CDK10: variants seen among roughly 807,000 people sequenced by gnomAD.
CDK10 encodes the protein cyclin dependent kinase 10.
CDK10 carries 55 observed loss-of-function variants against 51.0 expected under a neutral mutation model. That is an observed-to-expected ratio of 1.08 (90% confidence interval 0.87 to 1.35). CDK10 has a LOEUF of 1.35. Among genes scored for constraint, CDK10 ranks in the 40% most tolerant of loss-of-function variants. The pLI is 0.00. For synonymous variants in CDK10, 255 were observed against 199.1 expected (o/e 1.28, Z -2.36); for missense variants, 589 against 485.1 (o/e 1.21, Z -2.01).
At chr16:89,692,615 A>G in intron 6 of CDK10, 99 bp downstream of exon 6, 1 of 803,726 alleles carries the variant, frequency 1.2e-6, no homozygotes, top group Non-Finnish European at 1.9e-6. Context: ...TCCCAGCTGC[A>G]GCAGCCTGCC....
intron 1 of CDK10, among the ~76,000 whole-genome samples, chr16:89,688,426 A>G (rs532075053): frequency 6.6e-6 from 1 of 152,282 alleles, no homozygotes; most frequent in East Asian, 1.9e-4. Flanking sequence ...AGACTCTACT[A>G]GTTCAGAGAC....
At chr16:89,695,239 G>A in intron 11 of CDK10, 54 bp from the exon 12 acceptor site, 1 of 1,569,448 alleles carries the variant, frequency 6.4e-7, no homozygotes, top group Non-Finnish European at 8.7e-7. Context: ...CAGCTGGGTG[G>A]GAGGTGAGGA....
intron 3 of CDK10, 101 bp from the exon 4 acceptor site, chr16:89,691,342 A>T: frequency 1.3e-6 from 1 of 793,004 alleles, no homozygotes; most frequent in Non-Finnish European, 2.0e-6. Context: ...GGGACACTGC[A>T]GCACCTGCTA....
rs764716288 is a variant in CDK10, at chr16:89,695,023, C to T, written c.885C>T (p.Ala295=). 24 of 1,613,238 alleles carry T rather than the reference C, an allele frequency of 1.5e-5. No homozygotes were observed. The highest frequency in any genetic ancestry group is 1.6e-4 in the Middle Eastern group (1 of 6,062). Residue 295 remains alanine, a synonymous_variant, in exon 11 of 13, where the codon GCC becomes GCT. Coordinates refer to ENST00000353379, the MANE Select transcript of CDK10 (RefSeq NM_052988.5). ...LKHKFPWLSE[A]GLRLLHFLFM... ...ACAAGTTCCCATGGCTGTCGGAGGC[C>T]GGGCTGCGCCTGCTGCACTTCCTGT... is the stretch of plus-strand genomic sequence containing the variant.
At chr16:89,688,231 G>T (rs777614319) in intron 1 of CDK10, among the ~76,000 whole-genome samples, 3 of 151,870 alleles carry the variant, frequency 2.0e-5, no homozygotes, top group African/African-American at 7.3e-5. Flanking sequence ...ACAGGCGCCC[G>T]CCACCACGCC....
Position 89,691,999 on chromosome 16 carries a change from C to T in CDK10, c.417+112C>T, listed in dbSNP as rs758183201. On this transcript the variant is annotated intron_variant, in intron 5 of 12. Coordinates refer to ENST00000353379, the MANE Select transcript of CDK10 (RefSeq NM_052988.5). ...CTTGAAGAGCTGCTGCTGCCTCTGC[C>T]TCCACCTCCCAGTGTTTCAGCGAGC... 6 of 812,724 alleles carry T rather than the reference C, an allele frequency of 7.4e-6. No individual in the cohort carries two copies. The Admixed American group carries it at 1.2e-4, about 17-fold the overall frequency. 50.3% of individuals were successfully genotyped at this position (812,724 alleles called of 1,614,324 possible).
intron 6 of CDK10, among the ~76,000 whole-genome samples, chr16:89,693,060 C>T (rs1159915292): frequency 6.6e-6 from 1 of 151,682 alleles, no homozygotes; most frequent in Non-Finnish European, 1.5e-5. Flanking sequence ...ATGGCGTGAA[C>T]CCGGGAGGCG....
In CDK10 at chr16:89,694,975, G is replaced by C. The variant is rs754790195; in HGVS notation, c.837G>C (p.Lys279Asn). The change falls in exon 11 of 13, where the codon AAG (lysine) becomes AAC (asparagine). Residue 279 changes from lysine to asparagine, a missense_variant. Physicochemically the swap from Lys to Asn is moderately conservative, Grantham distance 94. Coordinates refer to ENST00000353379, the MANE Select transcript of CDK10 (RefSeq NM_052988.5). ...LPLVGQYSLR[K>N]QPYNNLKHKF... ...TGGTCGGCCAGTACAGCCTCCGGAAGCAGCCCTACAACAACCTGAAGCACA... is the reference window on the plus strand; with the variant it reads ...TGGTCGGCCAGTACAGCCTCCGGAACCAGCCCTACAACAACCTGAAGCACA... The C allele has an allele frequency of 6.2e-7, 1 of 1,613,416 alleles. No homozygotes were observed. Among genetic ancestry groups the C allele is most frequent in the South Asian group, 1.1e-5 (1 of 91,084 alleles).
Position 89,695,583 on chromosome 16 carries a change from T to G in CDK10, c.986-12T>G, listed in dbSNP as rs779433685. 1.3e-6 allele frequency: 2 copies of G among 1,597,624 alleles called. No individual in the cohort carries two copies. Among genetic ancestry groups the G allele is most frequent in the African/African-American group, 1.3e-5 (1 of 74,384 alleles). On this transcript the variant is annotated splice_polypyrimidine_tract_variant and intron_variant, in intron 12 of 12. Coordinates refer to ENST00000353379, the MANE Select transcript of CDK10 (RefSeq NM_052988.5). ...CCCTGCCCCGCCCAGCACTGAACCC[T>G]TCTCCCTGCAGCCTGTGAGCCGGAG... is the stretch of plus-strand genomic sequence containing the variant.
intron 8 of CDK10, chr16:89,693,684 C>T (rs2060561117): frequency 6.7e-6 from 4 of 596,072 alleles, no homozygotes; most frequent in Non-Finnish European, 1.2e-5. Flanking sequence ...AAGGGCCTGC[C>T]TAGATCAGAC....
chr16:89,689,850 A>G (rs1435317833), intron 2 of CDK10: 2 of 154,198 alleles, frequency 1.3e-5, no homozygotes, highest in East Asian at 3.9e-4. Flanking sequence ...CACCCAGCTA[A>G]TTTTTAAATT....
chr16:89,691,671 C>G (rs1300555406), intron 4 of CDK10, 126 bp downstream of exon 4: 1 of 1,201,702 alleles, frequency 8.3e-7, no homozygotes, highest in African/African-American at 1.5e-5. Context: ...GACCCCACCT[C>G]ACCGCCTGGC....
chr16:89,694,908 G>A lies in CDK10; in HGVS notation c.793-23G>A, dbSNP rs376202397. The A allele has an allele frequency of 1.3e-5, 21 of 1,610,510 alleles. No individual in the cohort carries two copies. In the African/African-American group the frequency reaches 2.0e-4, roughly 15 times the overall value. On this transcript the variant is annotated intron_variant, in intron 10 of 12. Transcript: ENST00000353379. ...CCCCGCCCGTGCCCACGCCCTCTGC[G>A]CCTCAGCTCCTGCCTCCCATAGGGC...
At chr16:89,690,292 C>G (rs1047597264) in intron 2 of CDK10, 6 of 513,672 alleles carry the variant, frequency 1.2e-5, no homozygotes, top group Admixed American at 3.4e-5. Flanking sequence ...CCTGGAGCCA[C>G]AGAACTGAGT....
At chr16:89,692,842 T>A (rs2060512642) in intron 6 of CDK10, among the ~76,000 whole-genome samples, 1 of 149,778 alleles carries the variant, frequency 6.7e-6, no homozygotes. Context: ...AAAAAAAAAA[T>A]AATAAAGATA....
rs141126939 is a variant in CDK10 at position 89,695,302 on chromosome 16, C to T, written c.942C>T (p.Ala314=). 7.3e-4 allele frequency: 1,176 copies of T among 1,611,206 alleles called. 2 individuals carry two copies. Among genetic ancestry groups the T allele is most frequent in the Non-Finnish European group, 7.9e-4 (934 of 1,178,466 alleles). The change falls in exon 12 of 13, where the codon GCC becomes GCT. Residue 314 remains alanine (A), a synonymous_variant. Coordinates refer to ENST00000353379, the MANE Select transcript of CDK10 (RefSeq NM_052988.5). ...FMYDPKKRAT[A]GDCLESSYFK... ...AGGCTGCCTCCTCCAGGGCGACGGC[C>T]GGGGACTGCCTGGAGAGCTCCTATT... is the stretch of plus-strand genomic sequence containing the variant.
chr16:89,694,972 G>A lies in CDK10; in HGVS notation c.834G>A (p.Arg278=). The A allele has an allele frequency of 1.2e-6, 2 of 1,613,342 alleles. No homozygotes were observed. Among genetic ancestry groups the A allele is most frequent in the African/African-American group, 2.7e-5 (2 of 75,042 alleles). ...CACTGGTCGGCCAGTACAGCCTCCG[G>A]AAGCAGCCCTACAACAACCTGAAGC... ...KLPLVGQYSL[R]KQPYNNLKHK... The change falls in exon 11 of 13, where the codon CGG becomes CGA. Residue 278 remains arginine, a synonymous_variant. Coordinates refer to ENST00000353379, the MANE Select transcript of CDK10 (RefSeq NM_052988.5).
At position 89,693,307 on chromosome 16, in the gene CDK10, C is replaced by T. The variant is rs761791271; in HGVS notation, c.519C>T (p.Asp173=). 1.9e-6 allele frequency: 3 copies of T among 1,614,136 alleles called. No individual in the cohort carries two copies. Among genetic ancestry groups the T allele is most frequent in the Non-Finnish European group, 1.7e-6 (2 of 1,180,024 alleles). The change falls in exon 7 of 13, where the codon GAC becomes GAT. Residue 173 remains aspartate, a synonymous_variant. Coordinates refer to ENST00000353379, the MANE Select transcript of CDK10 (RefSeq NM_052988.5). Reference sequence around the variant, plus strand: ...AGGTTTCCAACTTGCTCATGACCGACAAGGGTTGTGTGAAGACAGGTGGGT... The same window carrying T: ...AGGTTTCCAACTTGCTCATGACCGATAAGGGTTGTGTGAAGACAGGTGGGT... ...DLKVSNLLMT[D]KGCVKTADFG...
intron 1 of CDK10, chr16:89,687,249 C>T (rs574029678): frequency 9.0e-6 from 3 of 332,152 alleles, no homozygotes; most frequent in East Asian, 7.7e-5. Flanking sequence ...TCACGCGAAC[C>T]CTGGGCGCGT....
Sources: allele counts gnomAD v4.1 joint callset (sites outside exome capture counted in the v4.1 genomes callset), GRCh38; gene constraint gnomAD v4.1.1; transcripts MANE v1.5; gene names NCBI Gene and HGNC (gene_info 2026-07-23, HGNC 2026-07-21).